Variants in ZNF746 observed in about 807,000 individuals in gnomAD.
The protein encoded by ZNF746 is parkin-interacting substrate.
A neutral mutation model predicts 41.0 loss-of-function variants in ZNF746; 13 were observed. That is an observed-to-expected ratio of 0.32 (90% confidence interval 0.21 to 0.50). The LOEUF (loss-of-function observed/expected upper bound fraction) is 0.50. ZNF746 is among the 20% of genes least tolerant of loss of function. ZNF746 has a pLI of 0.98. For synonymous variants in ZNF746, 424 were observed against 396.2 expected, an observed-to-expected ratio of 1.07 and a Z score of -0.83; for missense variants, 811 against 922.9, an observed-to-expected ratio of 0.88 and a Z score of 1.57.
chr7:149,474,698 T>C lies in ZNF746; in HGVS notation c.1669A>G (p.Thr557Ala). The C allele has an allele frequency of 6.2e-7, 1 of 1,612,818 alleles. No individual in the cohort carries two copies. Among genetic ancestry groups the C allele is most frequent in the Non-Finnish European group, 8.5e-7 (1 of 1,179,734 alleles). ...LHTGERPFPC[T>A]ECEKRFTERS... The stretch of plus-strand genomic sequence containing the variant: ...TCGGTGAAGCGCTTCTCACACTCGG[T>C]GCAGGGGAAGGGCCGCTCGCCGGTG... The change falls in exon 7 of 7, where the codon ACC (threonine) becomes GCC (alanine). Residue 557 changes from threonine (T) to alanine (A), a missense_variant. Coordinates refer to ENST00000458143, the MANE Select transcript of ZNF746 (RefSeq NM_001394198.1). The surrounding 1 kb of genome is among the most constrained non-coding windows in gnomAD (Gnocchi z 6.3).
chr7:149,474,869 C>T lies in ZNF746; in HGVS notation c.1498G>A (p.Gly500Ser). ...SCGAPDGSGP[G>S]TGGGGSGSGG... ...CTGCCGCTGCCGCCACCGCCTGTGC[C>T]CGGGCCCGACCCGTCGGGCGCCCCA... is the stretch of plus-strand genomic sequence containing the variant. Residue 500 changes from glycine (G) to serine (S), a missense_variant, in exon 7 of 7, where the codon GGC becomes AGC. By Grantham distance (56) the Gly-to-Ser change is moderately conservative. This residue lies in a region of ZNF746 where 495 missense variants were observed against 481.6 expected (regional missense o/e 1.03). Coordinates refer to ENST00000458143, the MANE Select transcript of ZNF746 (RefSeq NM_001394198.1). The surrounding 1 kb of genome is among the most constrained non-coding windows in gnomAD (Gnocchi z 6.3). 2 of 1,488,856 alleles carry T rather than the reference C, an allele frequency of 1.3e-6. No individual in the cohort carries two copies. Among genetic ancestry groups the T allele is most frequent in the Non-Finnish European group, 1.8e-6 (2 of 1,125,800 alleles). The allele number at this position is 1,488,856 out of a possible 1,614,324, so 92.2% of individuals were successfully genotyped here. A position where few individuals can be genotyped will look rare whatever the true frequency, so the allele number is the denominator to read the frequency against.
At chr7:149,481,250 TG>T (rs932145025) in intron 4 of ZNF746, among the ~76,000 whole-genome samples, 2 of 152,214 alleles carry the variant, frequency 1.3e-5, no homozygotes, top group Admixed American at 1.3e-4. Flanking sequence ...TTGGTGTCAG[TG>T]GGGGATTGGT....
chr7:149,484,229 A>G (rs968963619), intron 4 of ZNF746, among the ~76,000 whole-genome samples: 1 of 152,214 alleles, frequency 6.6e-6, no homozygotes, highest in African/African-American at 2.4e-5. Flanking sequence ...AAACCAGACA[A>G]AAACAGTCTG....
chr7:149,495,964 C>T (rs970798879), intron 1 of ZNF746, among the ~76,000 whole-genome samples: 5 of 132,550 alleles, frequency 3.8e-5, no homozygotes, highest in South Asian at 2.5e-4. Flanking sequence ...GGTGGGCCAG[C>T]GTGGTTCTGG....
At position 149,475,454 on chromosome 7, in the gene ZNF746, C is replaced by T. The variant is rs778184073; in HGVS notation, c.913G>A (p.Val305Ile). ...GTGGCCACCACCTCCTCTTCCTGGA[C>T]TTCTGTTTTTATTACAATTTTTACA... is the stretch of plus-strand genomic sequence containing the variant. ...ADVKIVIKTEVQEEEVVATPV... is the reference protein window; with the variant it reads ...ADVKIVIKTEIQEEEVVATPV... Residue 305 changes from valine (V) to isoleucine (I), a missense_variant, in exon 7 of 7, where the codon GTC becomes ATC. Transcript: ENST00000458143. 6.2e-7 allele frequency: 1 copy of T among 1,612,888 alleles called. No homozygotes were observed. The highest frequency in any genetic ancestry group is 8.5e-7 in the Non-Finnish European group (1 of 1,179,196).
chr7:149,475,536 C>G, intron 6 of ZNF746, 53 bp from the exon 7 acceptor site: 1 of 1,546,898 alleles, frequency 6.5e-7, no homozygotes, highest in African/African-American at 1.4e-5. Context: ...GCTGAGCGAG[C>G]CACGATCTGC....
intron 3 of ZNF746, 70 bp from the exon 4 acceptor site, chr7:149,493,042 C>T: frequency 1.0e-6 from 1 of 991,882 alleles, no homozygotes; most frequent in Non-Finnish European, 1.6e-6. Context: ...CCCGGAAAAC[C>T]AACAATGGTC....
intron 4 of ZNF746, chr7:149,491,614 G>A (rs191228749): frequency 1.2e-4 from 57 of 476,480 alleles, no homozygotes; most frequent in East Asian, 3.9e-4. Context: ...CGGCCAGCCC[G>A]GAACATGCTT....
intron 4 of ZNF746, among the ~76,000 whole-genome samples, chr7:149,480,526 G>C (rs536429009): frequency 6.6e-6 from 1 of 151,930 alleles, no homozygotes; most frequent in Non-Finnish European, 1.5e-5. Flanking sequence ...TCTGCCTCCC[G>C]GGTTCAAGCA....
In ZNF746 at chr7:149,475,104, C is replaced by T. The variant is rs1238603253; in HGVS notation, c.1263G>A (p.Pro421=). The T allele has an allele frequency of 1.2e-6, 2 of 1,608,710 alleles. No homozygotes were observed. The highest frequency in any genetic ancestry group is 2.2e-5 in the East Asian group (1 of 44,736). Residue 421 remains proline (P), a synonymous_variant, in exon 7 of 7, where the codon CCG becomes CCA. Coordinates refer to ENST00000458143, the MANE Select transcript of ZNF746 (RefSeq NM_001394198.1). ...TGPEGLPYSS[P]DNGEAILDPS... ...GGTCCAAGATGGCCTCTCCGTTGTC[C>T]GGGGAGGAGTAAGGAAGCCCCTCGG... is the stretch of plus-strand genomic sequence containing the variant.
rs968046161 is a variant in ZNF746, at chr7:149,489,267, ACACACAC to A, written c.565+3585_565+3591del. On this transcript the variant is annotated intron_variant, in intron 4 of 6. Transcript: ENST00000458143. The stretch of plus-strand genomic sequence containing the variant: ...CACACACACACACACACACACACAC[ACACACAC>A]GTTTTAAATTTTGAAACAGCATACA... The A allele has an allele frequency of 2.8e-4, 42 of 150,256 alleles. 1 individual carries two copies. Among genetic ancestry groups the A allele is most frequent in the Non-Finnish European group, 4.6e-4 (31 of 67,982 alleles). The allele number at this position is 150,256 out of a possible 1,614,324, so 9.3% of individuals were successfully genotyped here.
At chr7:149,479,942 C>T (rs1252404266) in intron 4 of ZNF746, among the ~76,000 whole-genome samples, 1 of 152,068 alleles carries the variant, frequency 6.6e-6, no homozygotes, top group African/African-American at 2.4e-5. Context: ...ACATAGAAGA[C>T]CCTGTCTCCA....
chr7:149,478,869 T>C (rs1053010970), intron 4 of ZNF746, among the ~76,000 whole-genome samples: 1 of 152,130 alleles, frequency 6.6e-6, no homozygotes, highest in African/African-American at 2.4e-5. Context: ...GAGGCAGCTG[T>C]GGAAATGAAA....
At position 149,474,325 on chromosome 7, in the gene ZNF746, T is replaced by C. The variant is rs560129418; in HGVS notation, c.*59A>G. 71 of 1,549,382 alleles carry C rather than the reference T, an allele frequency of 4.6e-5. 1 individual carries two copies. The East Asian group carries it at 1.2e-3, about 26-fold the overall frequency. ...GCCTGAAGCTTCCACGCCGCCCTGC[T>C]GCCTGCACACGGGGCTTTTTACACG... On this transcript the variant is annotated 3_prime_UTR_variant, in exon 7 of 7. Transcript: ENST00000458143. This position sits in a 1 kb window ranked among gnomAD's most constrained non-coding sequence, Gnocchi z 6.3.
intron 4 of ZNF746, chr7:149,491,556 T>G (rs930191429): frequency 3.0e-6 from 1 of 329,572 alleles, no homozygotes; most frequent in Non-Finnish European, 5.8e-6. Context: ...TTCTTAAAAA[T>G]GCATCTGTAG....
chr7:149,474,970 C>T lies in ZNF746; in HGVS notation c.1397G>A (p.Gly466Asp), dbSNP rs1800239959. Reference protein sequence around the residue: ...LKKHPAAPPGGRPFTCATCGK... With the variant: ...LKKHPAAPPGDRPFTCATCGK... ...ACACGTGGCGCAGGTGAAGGGCCGG[C>T]CCCCGGGGGGCGCCGCGGGGTGCTT... The change falls in exon 7 of 7, where the codon GGC (glycine) becomes GAC (aspartate). Residue 466 changes from glycine (G) to aspartate (D), a missense_variant. By Grantham distance (94) the Gly-to-Asp change is moderately conservative (BLOSUM62 -1). This residue lies in a region of ZNF746 where 495 missense variants were observed against 481.6 expected (regional missense o/e 1.03). Transcript: ENST00000458143. This position sits in a 1 kb window ranked among gnomAD's most constrained non-coding sequence, Gnocchi z 6.3. 5 of 1,547,720 alleles carry T rather than the reference C, an allele frequency of 3.2e-6. No individual in the cohort carries two copies. The highest frequency in any genetic ancestry group is 2.4e-5 in the East Asian group (1 of 40,910).
rs1163195866 is a variant in ZNF746 at position 149,475,134 on chromosome 7, C to A, written c.1233G>T (p.Thr411=). The A allele has an allele frequency of 3.7e-6, 6 of 1,612,404 alleles. No individual in the cohort carries two copies. The South Asian group carries it at 5.5e-5, about 15-fold the overall frequency. The change falls in exon 7 of 7, where the codon ACG becomes ACT. Residue 411 remains threonine, a synonymous_variant. Coordinates refer to ENST00000458143, the MANE Select transcript of ZNF746 (RefSeq NM_001394198.1). ...AGGAGTAAGGAAGCCCCTCGGGCCC[C>A]GTCCTCGGGTTCAGGCCCACTGGCG... ...CKPPVGLNPR[T]GPEGLPYSSP...
Position 149,475,218 on chromosome 7 carries a change from G to A in ZNF746, c.1149C>T (p.Thr383=). The A allele has an allele frequency of 1.2e-6, 2 of 1,613,004 alleles. No homozygotes were observed. The highest frequency in any genetic ancestry group is 1.3e-5 in the African/African-American group (1 of 75,030). Residue 383 remains threonine, a synonymous_variant, in exon 7 of 7, where the codon ACC becomes ACT. Coordinates refer to ENST00000458143, the MANE Select transcript of ZNF746 (RefSeq NM_001394198.1). The part of the protein sequence containing the change: ...ELSPAVAQEE[T]PPGDWLFGGV... ...CTCCGAAGAGCCAGTCCCCAGGAGGGGTCTCCTCCTGGGCCACAGCAGGAC... is the reference window on the plus strand; with the variant it reads ...CTCCGAAGAGCCAGTCCCCAGGAGGAGTCTCCTCCTGGGCCACAGCAGGAC...
In ZNF746 at chr7:149,497,034, C is replaced by A. The variant is rs1022654019; in HGVS notation, c.24+479G>T. The A allele has an allele frequency of 4.1e-5, 40 of 985,326 alleles. No homozygotes were observed. In the African/African-American group the frequency reaches 5.8e-4, roughly 14 times the overall value. The allele number at this position is 985,326 out of a possible 1,614,324, so 61.0% of individuals were successfully genotyped here. A position where few individuals can be genotyped will look rare whatever the true frequency, so the allele number is the denominator to read the frequency against. ...CAACAGGGCTTGTGGAAGTGCGTGG[C>A]TCTATATTCCCTTCCGCGCCGACCC... is the stretch of plus-strand genomic sequence containing the variant. On this transcript the variant is annotated intron_variant, in intron 1 of 6. Coordinates refer to ENST00000458143, the MANE Select transcript of ZNF746 (RefSeq NM_001394198.1). This position sits in a 1 kb window ranked among gnomAD's most constrained non-coding sequence, Gnocchi z 4.2.
Sources: gnomAD v4.1 joint callset for allele counts (sites outside exome capture counted in the v4.1 genomes callset) on GRCh38, gnomAD v4.1.1 for gene constraint, gnomAD v4.1.1 regional missense constraint, Gnocchi (gnomAD v3.1) non-coding constraint, MANE v1.5 for transcripts, NCBI Gene and HGNC (gene_info 2026-07-23, HGNC 2026-07-21) for gene names.